FAM50B: variants seen among roughly 807,000 people sequenced by gnomAD.
The protein encoded by FAM50B is protein FAM50B.
Under a neutral mutation model 25.4 loss-of-function variants are expected in FAM50B, and 9 were observed. The observed-to-expected ratio is 0.35, with a 90% confidence interval of 0.21 to 0.62. The LOEUF (loss-of-function observed/expected upper bound fraction) is 0.62, where lower values mean the gene tolerates loss of function less well. FAM50B is among the 20% of genes least tolerant of loss of function. FAM50B has a pLI of 0.73. For missense variants in FAM50B, 372 were observed against 477.9 expected, an observed-to-expected ratio of 0.78 and a Z score of 2.07; for synonymous variants, 212 against 204.3, an observed-to-expected ratio of 1.04 and a Z score of -0.32.
chr6:3,850,477 G>A lies in FAM50B; in HGVS notation c.666G>A (p.Lys222=), dbSNP rs1421444373. ...FLKKALQGLR[K]DFLELRSAGV... is the part of the protein sequence containing the mutation. ...AGAAGGCGCTGCAGGGGCTGCGCAA[G>A]GACTTCCTGGAGCTGCGCTCCGCCG... The change falls in exon 2 of 2, where the codon AAG becomes AAA. Residue 222 remains lysine, a synonymous_variant. Coordinates refer to ENST00000648326, the MANE Select transcript of FAM50B (RefSeq NM_012135.3). 1.2e-6 allele frequency: 2 copies of A among 1,613,594 alleles called. No homozygotes were observed. The highest frequency in any genetic ancestry group is 4.5e-5 in the East Asian group (2 of 44,858).
At chr6:3,846,497 G>C (rs1324302996), upstream of FAM50B, among the ~76,000 whole-genome samples, 1 of 152,182 alleles carries the variant, frequency 6.6e-6, no homozygotes, top group African/African-American at 2.4e-5. Flanking sequence ...CAGTGTTGAT[G>C]GTTGCTGACT....
chr6:3,845,703 G>C (rs1023481167), upstream of FAM50B, among the ~76,000 whole-genome samples: 11 of 151,984 alleles, frequency 7.2e-5, no homozygotes, highest in African/African-American at 2.7e-4. Flanking sequence ...TACGTCCAGA[G>C]GTAACAGTTA....
chr6:3,846,492 T>A (rs1280046937), upstream of FAM50B, among the ~76,000 whole-genome samples: 1 of 152,232 alleles, frequency 6.6e-6, no homozygotes, highest in Admixed American at 6.5e-5. Flanking sequence ...TGCCTCAGTG[T>A]TGATGGTTGC....
the FAM50B span, among the ~76,000 whole-genome samples, chr6:3,834,768 C>G: frequency 6.6e-6 from 1 of 152,046 alleles, no homozygotes; most frequent in South Asian, 2.1e-4. Flanking sequence ...AAATATATAT[C>G]GGAACCATTA....
rs1436028455 is a variant in FAM50B at position 3,850,108 on chromosome 6, G to A, written c.297G>A (p.Leu99=). Residue 99 remains leucine (L), a synonymous_variant, in exon 2 of 2, where the codon CTG becomes CTA. Transcript: ENST00000648326. ...AKRQHLEEQR[L]QQERQREQEQ... ...GCCAGCACCTGGAGGAGCAGCGGCT[G>A]CAGCAGGAGCGGCAGCGGGAGCAGG... is the stretch of plus-strand genomic sequence containing the variant. The A allele has an allele frequency of 1.2e-6, 2 of 1,609,884 alleles. No homozygotes were observed. The highest frequency in any genetic ancestry group is 1.1e-5 in the South Asian group (1 of 90,828).
At chr6:3,838,639 CA>C in the FAM50B span, among the ~76,000 whole-genome samples, 1 of 152,030 alleles carries the variant, frequency 6.6e-6, no homozygotes. Flanking sequence ...GTCAGGAGAT[CA>C]AGACCATCCT....
At chr6:3,838,175 G>C in the FAM50B span, among the ~76,000 whole-genome samples, 3 of 152,186 alleles carry the variant, frequency 2.0e-5, no homozygotes, top group African/African-American at 7.2e-5. Context: ...ACTGGGCCTG[G>C]TAGTGCATGC....
the FAM50B span, among the ~76,000 whole-genome samples, chr6:3,841,086 C>T: frequency 6.6e-6 from 1 of 152,178 alleles, no homozygotes; most frequent in Non-Finnish European, 1.5e-5. Context: ...TACAAGTCTG[C>T]AGATAGTTAA....
chr6:3,842,310 A>G, the FAM50B span, among the ~76,000 whole-genome samples: 1 of 152,230 alleles, frequency 6.6e-6, no homozygotes, highest in Non-Finnish European at 1.5e-5. Context: ...CCACATCCGT[A>G]GCACTTTCCA....
upstream of FAM50B, among the ~76,000 whole-genome samples, chr6:3,846,826 A>G (rs1762129268): frequency 6.6e-6 from 1 of 152,200 alleles, no homozygotes; most frequent in East Asian, 1.9e-4. Flanking sequence ...TAAGACTTAA[A>G]AGTCAAAATT....
At chr6:3,832,833 G>A in the FAM50B span, among the ~76,000 whole-genome samples, 3 of 152,050 alleles carry the variant, frequency 2.0e-5, no homozygotes, top group Non-Finnish European at 2.9e-5. Context: ...ATGTTGAATA[G>A]CTAGTATCTC....
the FAM50B span, chr6:3,833,532 A>G: frequency 6.6e-6 from 1 of 152,156 alleles, no homozygotes; most frequent in African/African-American, 2.4e-5. Context: ...ACCTTTCCCC[A>G]GTGCATCCTG....
At chr6:3,843,140 C>T in the FAM50B span, among the ~76,000 whole-genome samples, 1 of 152,170 alleles carries the variant, frequency 6.6e-6, no homozygotes, top group East Asian at 1.9e-4. Flanking sequence ...AATGACCTGG[C>T]CAGACATTTC....
Position 3,850,948 on chromosome 6 carries a change from T to C in FAM50B, c.*159T>C. 8.2e-7 allele frequency: 1 copy of C among 1,224,062 alleles called. No homozygotes were observed. Among genetic ancestry groups the C allele is most frequent in the Non-Finnish European group, 1.1e-6 (1 of 893,184 alleles). 75.8% of individuals were successfully genotyped at this position (1,224,062 alleles called of 1,614,324 possible). ...ATTGGTTGTGCTATTGCTGATGTTATGCTTTGGTTGCTTGGTTGGTCTTTT... is the reference window on the plus strand; with the variant it reads ...ATTGGTTGTGCTATTGCTGATGTTACGCTTTGGTTGCTTGGTTGGTCTTTT... On this transcript the variant is annotated 3_prime_UTR_variant, in exon 2 of 2. Coordinates refer to ENST00000648326, the MANE Select transcript of FAM50B (RefSeq NM_012135.3).
intron 1 of FAM50B, 28 bp downstream of exon 1, chr6:3,849,514 T>C (rs2113031307): frequency 2.5e-6 from 1 of 395,188 alleles, no homozygotes; most frequent in Non-Finnish European, 4.6e-6. Flanking sequence ...AGCCCAACCC[T>C]CTCTGTATGC....
the FAM50B span, among the ~76,000 whole-genome samples, chr6:3,834,723 A>T: frequency 5.1e-3 from 770 of 152,284 alleles, 5 homozygotes; most frequent in African/African-American, 0.015. Flanking sequence ...ACAATAAAAA[A>T]CTGGTAAAAT....
At chr6:3,846,132 A>T (rs1205889267), upstream of FAM50B, among the ~76,000 whole-genome samples, 1 of 152,140 alleles carries the variant, frequency 6.6e-6, no homozygotes, top group Non-Finnish European at 1.5e-5. Context: ...TGGCTGTTAC[A>T]AGGGAAGTTG....
the FAM50B span, among the ~76,000 whole-genome samples, chr6:3,834,057 A>G: frequency 3.3e-5 from 5 of 152,176 alleles, no homozygotes; most frequent in East Asian, 9.6e-4. Flanking sequence ...GTTGAGAAAA[A>G]TTTCTAAGCT....
chr6:3,850,561 C>T lies in FAM50B; in HGVS notation c.750C>T (p.Phe250=), dbSNP rs1489231564. Residue 250 remains phenylalanine (F), a synonymous_variant, in exon 2 of 2, where the codon TTC becomes TTT. Coordinates refer to ENST00000648326, the MANE Select transcript of FAM50B (RefSeq NM_012135.3). The stretch of plus-strand genomic sequence containing the variant: ...TCATCCTGCCGCACTACCACACCTT[C>T]TACGACTTCATCATCGCCAGGGCGA... The part of the protein sequence containing the change: ...EDLILPHYHT[F]YDFIIARARG... 1 of 1,614,134 alleles carries T rather than the reference C, an allele frequency of 6.2e-7. No individual in the cohort carries two copies. The highest frequency in any genetic ancestry group is 2.2e-5 in the East Asian group (1 of 44,884).
Sources: gnomAD v4.1 joint callset for allele counts (sites outside exome capture counted in the v4.1 genomes callset) on GRCh38, gnomAD v4.1.1 for gene constraint, MANE v1.5 for transcripts, NCBI Gene and HGNC (gene_info 2026-07-23, HGNC 2026-07-21) for gene names.